TBL2: variants seen among roughly 807,000 people sequenced by gnomAD.
TBL2 encodes the protein transducin beta-like protein 2.
TBL2 carries 33 observed loss-of-function variants against 41.8 expected under a neutral mutation model. The ratio of observed to expected loss-of-function variants is 0.79; its 90% CI spans 0.60 to 1.06. The LOEUF is 1.06. Ranked by LOEUF, TBL2 falls within the 50% of genes least tolerant of loss-of-function variation. The pLI, the probability that TBL2 is intolerant of heterozygous loss-of-function variation, is 0.00. For missense variants in TBL2, 522 were observed against 603.8 expected, an observed-to-expected ratio of 0.86 and a Z score of 1.42; for synonymous variants, 239 against 241.7, an observed-to-expected ratio of 0.99 and a Z score of 0.10.
rs548307367 is a variant in TBL2 at position 73,568,365 on chromosome 7, T to C, written c.*2142A>G. On this transcript the variant is annotated 3_prime_UTR_variant, in exon 7 of 7. Coordinates refer to ENST00000305632, the MANE Select transcript of TBL2 (RefSeq NM_012453.4). ...ACCTTAGTGTTTTGTTTGGTCCAGATAGTGTTTAGTTATTTAAGTTGCTCA... is the reference window on the plus strand; with the variant it reads ...ACCTTAGTGTTTTGTTTGGTCCAGACAGTGTTTAGTTATTTAAGTTGCTCA... 1.3e-5 allele frequency among the ~76,000 whole-genome samples: 2 copies of C among 152,278 alleles called. No homozygotes were observed. The highest frequency in any genetic ancestry group is 3.9e-4 in the East Asian group (2 of 5,180).
intron 1 of TBL2, among the ~76,000 whole-genome samples, chr7:73,577,023 C>T (rs1554589097): frequency 6.6e-6 from 1 of 151,856 alleles, no homozygotes. Context: ...TTTGGGAGGC[C>T]GAGGCAGGTG....
rs782172925 is a variant in TBL2, at chr7:73,571,262, C to T, written c.805G>A (p.Val269Met). The T allele has an allele frequency of 4.5e-5, 72 of 1,614,118 alleles. No homozygotes were observed. The highest frequency in any genetic ancestry group is 5.8e-5 in the Non-Finnish European group (69 of 1,180,048). ...CFGKKGEFQEVVRAFELKGHS... is the reference protein window; with the variant it reads ...CFGKKGEFQEMVRAFELKGHS... ...CCCTTTAGTTCGAAGGCTCGCACCA[C>T]CTCCTGGAACTCCCCCTTCTTTCCA... The change falls in exon 6 of 7, where the codon GTG becomes ATG. Residue 269 changes from valine to methionine, a missense_variant. Physicochemically the swap from Val to Met is conservative, Grantham distance 21. Transcript: ENST00000305632.
chr7:73,572,857 A>T lies in TBL2; in HGVS notation c.712T>A (p.Ser238Thr). The change falls in exon 5 of 7, where the codon TCT becomes ACT. Residue 238 changes from serine (S) to threonine (T), a missense_variant. Transcript: ENST00000305632. ...CTCCTTGCCCACCTGCCACAGGGAG[A>T]TACAGCAGCGTGTGTGTTGTTCATC... ...NQMNNTHAAVSPCGRFVASCG... is the reference protein window; with the variant it reads ...NQMNNTHAAVTPCGRFVASCG... The T allele has an allele frequency of 6.2e-7, 1 of 1,614,050 alleles. No individual in the cohort carries two copies. Among genetic ancestry groups the T allele is most frequent in the Non-Finnish European group, 8.5e-7 (1 of 1,179,976 alleles).
Position 73,573,348 on chromosome 7 carries a change from A to C in TBL2, c.570T>G (p.Pro190=), listed in dbSNP as rs782704128. 5 of 1,614,142 alleles carry C rather than the reference A, an allele frequency of 3.1e-6. No homozygotes were observed. The highest frequency in any genetic ancestry group is 1.1e-5 in the South Asian group (1 of 91,086). ...TGTTAGCAATGCCAATGTCGATGAC[A>C]GGCGCCTTGTGCTTTTTAGGGAAGT... ...PEDFPKKHKA[P]VIDIGIANTG... Residue 190 remains proline, a synonymous_variant, in exon 4 of 7, where the codon CCT becomes CCG. Transcript: ENST00000305632.
chr7:73,576,329 G>A (rs930346691), intron 1 of TBL2, among the ~76,000 whole-genome samples: 9 of 151,698 alleles, frequency 5.9e-5, no homozygotes, highest in African/African-American at 1.7e-4. Context: ...CACCATGCCC[G>A]GCCCGGCAGC....
Position 73,573,969 on chromosome 7 carries a change from C to T in TBL2, c.415G>A (p.Ala139Thr), listed in dbSNP as rs782361220. The change falls in exon 3 of 7, where the codon GCC (alanine) becomes ACC (threonine). Residue 139 changes from alanine (A) to threonine (T), a missense_variant. Transcript: ENST00000305632. ...SMRANVELDH[A>T]TLVRFSPDCR... is the part of the protein sequence containing the mutation. ...TCAGGGCTGAAGCGCACCAGGGTGG[C>T]GTGGTCCAGCTCCACGTTGGCTCTC... 1.3e-5 allele frequency: 21 copies of T among 1,613,760 alleles called. No individual in the cohort carries two copies. The highest frequency in any genetic ancestry group is 1.7e-4 in the Middle Eastern group (1 of 6,026).
intron 4 of TBL2, 81 bp from the exon 5 acceptor site, chr7:73,573,051 G>A (rs1554588079): frequency 1.3e-6 from 2 of 1,583,776 alleles, no homozygotes; most frequent in African/African-American, 2.7e-5. Context: ...CAAGGCCTCT[G>A]CTGCCCGAAG....
At chr7:73,576,550 C>CT in intron 1 of TBL2, 1 of 453,598 alleles carries the variant, frequency 2.2e-6, no homozygotes, top group Non-Finnish European at 4.4e-6. Flanking sequence ...CCTGAAAGAA[C>CT]TCGGGGATGA....
At position 73,571,241 on chromosome 7, in the gene TBL2, T is replaced by A. The variant is rs374978502; in HGVS notation, c.826A>T (p.Lys276Ter). ...FQEVVRAFEL[K>*]GHSAAVHSFA... ...GAGTGCACAGCCGCGGAGTGGCCCT[T>A]TAGTTCGAAGGCTCGCACCACCTCC... Residue 276 changes from lysine (K) to a stop codon, truncating the protein, a stop_gained, in exon 6 of 7, where the codon AAG (lysine) becomes TAG (stop). Transcript: ENST00000305632. LOFTEE classifies it high-confidence loss of function. 8 of 1,614,184 alleles carry A rather than the reference T, an allele frequency of 5.0e-6. No homozygotes were observed. The highest frequency in any genetic ancestry group is 5.9e-6 in the Non-Finnish European group (7 of 1,180,022).
rs1792851606 is a variant in TBL2, at chr7:73,570,460, A to C, written c.*47T>G. 7 of 1,444,628 alleles carry C rather than the reference A, an allele frequency of 4.8e-6. No homozygotes were observed. The highest frequency in any genetic ancestry group is 2.4e-4 in the Middle Eastern group (1 of 4,138). The allele number at this position is 1,444,628 out of a possible 1,614,324, so 89.5% of individuals were successfully genotyped here. On this transcript the variant is annotated 3_prime_UTR_variant, in exon 7 of 7. Transcript: ENST00000305632. ...GAAAGATGGCAGCAGTGCCATGAGG[A>C]GGCCAGATCCCTCCTCCTCAATCCT...
At chr7:73,575,624 G>T (rs528671561) in intron 1 of TBL2, among the ~76,000 whole-genome samples, 8 of 152,254 alleles carry the variant, frequency 5.3e-5, no homozygotes, top group African/African-American at 1.7e-4. Flanking sequence ...TAGAGATGGG[G>T]TTTCACCATG....
chr7:73,571,090 C>T, intron 6 of TBL2, 99 bp downstream of exon 6: 1 of 1,588,294 alleles, frequency 6.3e-7, no homozygotes, highest in South Asian at 1.1e-5. Context: ...GGCCAGGCAC[C>T]CCACCCTCTT....
chr7:73,573,362 T>A lies in TBL2; in HGVS notation c.556A>T (p.Lys186Ter). The change falls in exon 4 of 7, where the codon AAG (lysine) becomes TAG (stop). Residue 186 changes from lysine (K) to a stop codon, truncating the protein, a stop_gained. Transcript: ENST00000305632. LOFTEE classifies it high-confidence loss of function. ...ATGTCGATGACAGGCGCCTTGTGCT[T>A]TTTAGGGAAGTCCTCTGGGGTGGCT... The part of the protein sequence containing the change: ...FTATPEDFPK[K>*]HKAPVIDIGI... 1 of 1,614,176 alleles carries A rather than the reference T, an allele frequency of 6.2e-7. No homozygotes were observed. Among genetic ancestry groups the A allele is most frequent in the Non-Finnish European group, 8.5e-7 (1 of 1,180,028 alleles).
At position 73,573,505 on chromosome 7, in the gene TBL2, C is replaced by T. The variant is rs113705849; in HGVS notation, c.447-34G>A. ...AGGCAGCAGACAAGTCACGCTCTCA[C>T]TGGACAAAGAGGCTCTGTGTTCCAG... On this transcript the variant is annotated intron_variant, in intron 3 of 6. Coordinates refer to ENST00000305632, the MANE Select transcript of TBL2 (RefSeq NM_012453.4). 6.4e-4 allele frequency: 1,030 copies of T among 1,612,858 alleles called. 4 individuals are homozygous for T. The African/African-American group carries it at 9.1e-3, about 14-fold the overall frequency.
Position 73,574,524 on chromosome 7 carries a change from G to A in TBL2, c.131-11C>T. On this transcript the variant is annotated splice_polypyrimidine_tract_variant and intron_variant, in intron 1 of 6. Coordinates refer to ENST00000305632, the MANE Select transcript of TBL2 (RefSeq NM_012453.4). Reference sequence around the variant, plus strand: ...CATTTGCTTTTTGGCCTATAAGGAAGGGCCATGTTGTTCTCCAGTTACTCA... The same window carrying A: ...CATTTGCTTTTTGGCCTATAAGGAAAGGCCATGTTGTTCTCCAGTTACTCA... 1.9e-6 allele frequency: 3 copies of A among 1,614,192 alleles called. No homozygotes were observed. Among genetic ancestry groups the A allele is most frequent in the African/African-American group, 1.3e-5 (1 of 75,064 alleles).
At chr7:73,576,085 A>G (rs943008476) in intron 1 of TBL2, among the ~76,000 whole-genome samples, 3 of 151,560 alleles carry the variant, frequency 2.0e-5, no homozygotes, top group Non-Finnish European at 4.4e-5. Context: ...ATTGGATGAG[A>G]TATCTACAAA....
At position 73,570,889 on chromosome 7, in the gene TBL2, A is replaced by G; in HGVS notation, c.962T>C (p.Leu321Pro). 2 of 1,613,918 alleles carry G rather than the reference A, an allele frequency of 1.2e-6. No individual in the cohort carries two copies. The highest frequency in any genetic ancestry group is 1.7e-6 in the Non-Finnish European group (2 of 1,180,014). ...CGCCTCTTCAAAGCGGCCTGTCTTC[A>G]GCAAGTAGGGGTCCTGCTTCTTCTT... The part of the protein sequence containing the change: ...EYKKKQDPYL[L>P]KTGRFEEAAG... Residue 321 changes from leucine to proline, a missense_variant, in exon 7 of 7, where the codon CTG (leucine) becomes CCG (proline). Coordinates refer to ENST00000305632, the MANE Select transcript of TBL2 (RefSeq NM_012453.4).
At chr7:73,573,161 G>T in intron 4 of TBL2, 159 bp downstream of exon 4, 1 of 1,352,338 alleles carries the variant, frequency 7.4e-7, no homozygotes. Context: ...TGTGGCCCAG[G>T]GACTCCAGGG....
chr7:73,573,551 G>A (rs1793106174), intron 3 of TBL2, 80 bp from the exon 4 acceptor site: 9 of 1,571,322 alleles, frequency 5.7e-6, no homozygotes, highest in Non-Finnish European at 6.9e-6. Flanking sequence ...GGGTTCTCGG[G>A]GAAGTCAAGA....
Sources: allele counts gnomAD v4.1 joint callset (sites outside exome capture counted in the v4.1 genomes callset), GRCh38; gene constraint gnomAD v4.1.1; transcripts MANE v1.5; gene names NCBI Gene and HGNC (gene_info 2026-07-23, HGNC 2026-07-21).